ZFAT: variants seen among roughly 807,000 people sequenced by gnomAD.
ZFAT encodes zinc finger and AT-hook domain containing.
ZFAT carries 64 observed loss-of-function variants against 117.7 expected under a neutral mutation model. The observed-to-expected ratio is 0.54, with a 90% CI of 0.44 to 0.67. ZFAT has a LOEUF of 0.67. ZFAT is among the 30% of genes least tolerant of loss of function. The probability of loss-of-function intolerance (pLI) is 0.00; values close to 1 mark genes in which losing one functional copy is unlikely to be tolerated. For synonymous variants in ZFAT, 679 were observed against 615.0 expected (o/e 1.10, Z -1.54); for missense variants, 1,433 against 1,584.5 (o/e 0.90, Z 1.62).
the ZFAT span, among the ~76,000 whole-genome samples, chr8:134,831,120 T>A: frequency 6.6e-6 from 1 of 152,222 alleles, no homozygotes; most frequent in Non-Finnish European, 1.5e-5. Context: ...AAAAGATGAC[T>A]GCTTGGGCAT....
At chr8:134,699,131 C>A (rs144054292) in intron 1 of ZFAT, among the ~76,000 whole-genome samples, 8 of 152,136 alleles carry the variant, frequency 5.3e-5, no homozygotes, top group East Asian at 1.9e-4. Context: ...CCCCTCACCC[C>A]CTCCCCGCAT....
At chr8:134,539,843 G>C (rs1822121872) in intron 11 of ZFAT, among the ~76,000 whole-genome samples, 1 of 151,654 alleles carries the variant, frequency 6.6e-6, no homozygotes, top group South Asian at 2.1e-4. Flanking sequence ...GTGGGAGCAT[G>C]AATGAACCAG....
At chr8:134,596,860 T>C (rs1428468156) in intron 7 of ZFAT, among the ~76,000 whole-genome samples, 1 of 151,994 alleles carries the variant, frequency 6.6e-6, no homozygotes, top group Non-Finnish European at 1.5e-5. Flanking sequence ...AGAGAGTAGA[T>C]TAGTGGCTGC....
chr8:134,725,305 T>C, the ZFAT span, among the ~76,000 whole-genome samples: 4 of 152,202 alleles, frequency 2.6e-5, no homozygotes, highest in African/African-American at 7.2e-5. Context: ...AAGAAATATC[T>C]GAGACTCGGC....
At chr8:134,743,608 G>GA in the ZFAT span, among the ~76,000 whole-genome samples, 1 of 152,318 alleles carries the variant, frequency 6.6e-6, no homozygotes, top group Non-Finnish European at 1.5e-5. Flanking sequence ...TTTCTTGGAA[G>GA]AATCACTTTA....
At chr8:134,746,501 G>T in the ZFAT span, among the ~76,000 whole-genome samples, 1 of 152,146 alleles carries the variant, frequency 6.6e-6, no homozygotes. Context: ...TATTTAAATT[G>T]CACTTGGCTA....
chr8:134,518,014 A>T (rs2130444912), intron 13 of ZFAT, among the ~76,000 whole-genome samples: 1 of 152,268 alleles, frequency 6.6e-6, no homozygotes, highest in African/African-American at 2.4e-5. Flanking sequence ...TGTAATTAAC[A>T]AATATTTGGA....
chr8:134,499,681 G>A (rs6986813), intron 15 of ZFAT, among the ~76,000 whole-genome samples: 23,207 of 152,122 alleles, frequency 0.15, 2,822 homozygotes, highest in African/African-American at 0.33. Context: ...GGAGGGGTGC[G>A]GTGGAGCCAG....
At chr8:134,622,624 C>T (rs1829204891) in intron 3 of ZFAT, among the ~76,000 whole-genome samples, 1 of 152,106 alleles carries the variant, frequency 6.6e-6, no homozygotes, top group Admixed American at 6.5e-5. Context: ...GCTTGCCCTT[C>T]CACGTCGCCC....
At chr8:134,638,560 C>CAAAAAAAA (rs1563711719) in intron 2 of ZFAT, among the ~76,000 whole-genome samples, 3 of 63,034 alleles carry the variant, frequency 4.8e-5, no homozygotes, top group African/African-American at 2.3e-4. Flanking sequence ...AAAAAAAAAA[C>CAAAAAAAA]AAAACAAAAA....
intron 15 of ZFAT, among the ~76,000 whole-genome samples, chr8:134,480,546 C>T (rs1817224922): frequency 1.3e-5 from 2 of 152,230 alleles, no homozygotes; most frequent in Admixed American, 1.3e-4. Context: ...AGCCGAGTCT[C>T]ATGTTGCAGG....
chr8:134,502,817 C>T (rs1030961083), intron 15 of ZFAT, among the ~76,000 whole-genome samples: 1 of 152,234 alleles, frequency 6.6e-6, no homozygotes, highest in Non-Finnish European at 1.5e-5. Flanking sequence ...CGGCTAAGGG[C>T]CTTCATGGGG....
chr8:134,822,208 A>G, the ZFAT span, among the ~76,000 whole-genome samples: 3 of 152,284 alleles, frequency 2.0e-5, no homozygotes, highest in Non-Finnish European at 4.4e-5. Flanking sequence ...TTACAAGACA[A>G]TATTAGTATA....
chr8:134,530,992 G>A (rs1821363952), intron 12 of ZFAT, among the ~76,000 whole-genome samples: 1 of 152,156 alleles, frequency 6.6e-6, no homozygotes, highest in East Asian at 1.9e-4. Context: ...CCCCATGGAT[G>A]CCTAGGAACA....
At chr8:134,524,420 T>C (rs964056670) in intron 12 of ZFAT, among the ~76,000 whole-genome samples, 1 of 152,218 alleles carries the variant, frequency 6.6e-6, no homozygotes, top group Non-Finnish European at 1.5e-5. Context: ...AACTGCCCTA[T>C]TCAAAATAAT....
chr8:134,609,565 T>A, intron 4 of ZFAT, among the ~76,000 whole-genome samples: 1 of 152,304 alleles, frequency 6.6e-6, no homozygotes, highest in Non-Finnish European at 1.5e-5. Context: ...TTATTCAGAT[T>A]TTTCATTTTA....
intron 1 of ZFAT, chr8:134,673,015 G>A (rs2131270186): frequency 6.6e-6 from 1 of 152,278 alleles, no homozygotes; most frequent in African/African-American, 2.4e-5. Context: ...ACGTTTGACG[G>A]TTGAAACAAA....
At chr8:134,710,403 G>A (rs992403143) in intron 1 of ZFAT, among the ~76,000 whole-genome samples, 1 of 152,206 alleles carries the variant, frequency 6.6e-6, no homozygotes, top group Non-Finnish European at 1.5e-5. Flanking sequence ...ATAAACCTCT[G>A]AAACCAATGG....
At chr8:134,826,903 G>A in the ZFAT span, among the ~76,000 whole-genome samples, 4 of 152,188 alleles carry the variant, frequency 2.6e-5, no homozygotes, top group South Asian at 8.3e-4. Flanking sequence ...GACGCTATAG[G>A]TAAGATGATC....
Sources: allele counts gnomAD v4.1 joint callset (sites outside exome capture counted in the v4.1 genomes callset), GRCh38; gene constraint gnomAD v4.1.1; transcripts MANE v1.5; gene names NCBI Gene and HGNC (gene_info 2026-07-23, HGNC 2026-07-21).